Variants in JAK1 observed in about 807,000 individuals in gnomAD.
JAK1 encodes the protein tyrosine-protein kinase JAK1.
A neutral mutation model predicts 136.6 loss-of-function variants in JAK1; 16 were observed. The observed-to-expected ratio is 0.12, with a 90% CI of 0.08 to 0.18. The LOEUF is 0.18. Among genes scored for constraint, JAK1 ranks in the 10% least tolerant of loss-of-function variants. The pLI, the probability that JAK1 is intolerant of heterozygous loss-of-function variation, is 1.00. For missense variants in JAK1, 859 were observed against 1,450.1 expected, an observed-to-expected ratio of 0.59 and a Z score of 6.62; for synonymous variants, 492 against 519.5, an observed-to-expected ratio of 0.95 and a Z score of 0.72.
chr1:65,047,098 G>A (rs1453143159), intron 1 of JAK1, among the ~76,000 whole-genome samples: 1 of 151,906 alleles, frequency 6.6e-6, no homozygotes, highest in African/African-American at 2.4e-5. Flanking sequence ...TGAGGCAAGA[G>A]GATAGCTTGA....
intron 2 of JAK1, chr1:65,022,892 T>C (rs1646948714): frequency 6.6e-6 from 1 of 152,168 alleles, no homozygotes; most frequent in Non-Finnish European, 1.5e-5. Flanking sequence ...TATTTTTTGA[T>C]AGGGAGTTTT....
At chr1:65,030,009 G>A (rs538614811) in intron 2 of JAK1, among the ~76,000 whole-genome samples, 7 of 152,164 alleles carry the variant, frequency 4.6e-5, no homozygotes, top group South Asian at 2.1e-4. Context: ...ACCAAAATCC[G>A]TGTTTTGAAG....
chr1:64,857,229 G>A (rs1299869103), intron 10 of JAK1, among the ~76,000 whole-genome samples: 2 of 152,354 alleles, frequency 1.3e-5, no homozygotes, highest in East Asian at 1.9e-4. Flanking sequence ...CCATGTGGAT[G>A]AAGTGGCATT....
intron 12 of JAK1, among the ~76,000 whole-genome samples, chr1:64,850,103 C>T (rs906839120): frequency 2.0e-5 from 3 of 152,146 alleles, no homozygotes; most frequent in East Asian, 1.9e-4. Flanking sequence ...TGAGTGGCCC[C>T]GTGCTTGCTT....
intron 19 of JAK1, 38 bp from the exon 20 acceptor site, chr1:64,839,833 C>A: frequency 6.5e-7 from 1 of 1,535,198 alleles, no homozygotes; most frequent in Non-Finnish European, 8.8e-7. Flanking sequence ...TCAGGGAAGC[C>A]CCATCGTAGG....
intron 2 of JAK1, among the ~76,000 whole-genome samples, chr1:64,976,108 T>G (rs1026935563): frequency 1.3e-5 from 2 of 152,228 alleles, no homozygotes; most frequent in Non-Finnish European, 2.9e-5. Flanking sequence ...CTTTGACCCC[T>G]TTGATCCTAG....
chr1:65,040,605 C>T (rs1647122505), intron 2 of JAK1, among the ~76,000 whole-genome samples: 1 of 150,776 alleles, frequency 6.6e-6, no homozygotes, highest in Non-Finnish European at 1.5e-5. Context: ...GACCATTATT[C>T]TGTCCACAAC....
intron 1 of JAK1, among the ~76,000 whole-genome samples, chr1:64,931,157 A>G (rs949810300): frequency 6.6e-6 from 1 of 152,094 alleles, no homozygotes; most frequent in Admixed American, 6.5e-5. Flanking sequence ...TAAAAAAAAT[A>G]AACTCTTTAG....
chr1:64,976,589 A>C (rs1484137915), intron 2 of JAK1, among the ~76,000 whole-genome samples: 1 of 152,190 alleles, frequency 6.6e-6, no homozygotes, highest in Non-Finnish European at 1.5e-5. Flanking sequence ...TACTTTCAGC[A>C]ATGCCCTGCA....
intron 1 of JAK1, among the ~76,000 whole-genome samples, chr1:64,941,555 A>T (rs1002387503): frequency 3.3e-5 from 5 of 152,218 alleles, no homozygotes; most frequent in Non-Finnish European, 5.9e-5. Context: ...TGGTTAGAAT[A>T]AAAAAACTGG....
chr1:64,884,878 A>C (rs1644828664), intron 2 of JAK1, among the ~76,000 whole-genome samples: 1 of 152,182 alleles, frequency 6.6e-6, no homozygotes, highest in South Asian at 2.1e-4. Flanking sequence ...CCTTGAGATA[A>C]GAACTGAGTC....
At chr1:65,009,189 G>A (rs899456887) in intron 2 of JAK1, among the ~76,000 whole-genome samples, 2 of 152,058 alleles carry the variant, frequency 1.3e-5, no homozygotes, top group African/African-American at 4.8e-5. Context: ...AAGGAATGAT[G>A]TAAAGCTATA....
At position 64,833,621 on chromosome 1, in the gene JAK1, C is replaced by T. The variant is rs1357818266; in HGVS notation, c.*941G>A. The T allele has an allele frequency of 4.3e-6, 1 of 232,912 alleles. No individual in the cohort carries two copies. The highest frequency in any genetic ancestry group is 5.6e-5 in the Admixed American group (1 of 17,766). 14.4% of individuals were successfully genotyped at this position (232,912 alleles called of 1,614,324 possible). On this transcript the variant is annotated 3_prime_UTR_variant, in exon 25 of 25. Transcript: ENST00000342505. ...GATGATTGATGGTAAAAACAGGGAT[C>T]AACCCTTGTAGATCGGTGGTAAGTA...
chr1:65,013,265 C>G (rs1166267684), intron 2 of JAK1, among the ~76,000 whole-genome samples: 2 of 151,148 alleles, frequency 1.3e-5, no homozygotes, highest in East Asian at 1.9e-4. Flanking sequence ...GGCGTGCTGG[C>G]ATGCACCTGT....
chr1:65,067,214 C>G (rs534406605), intron 1 of JAK1, among the ~76,000 whole-genome samples: 57 of 151,390 alleles, frequency 3.8e-4, no homozygotes, highest in African/African-American at 1.3e-3. Context: ...GTGCGGTCCC[C>G]GGAGGAGGCT....
intron 1 of JAK1, among the ~76,000 whole-genome samples, chr1:65,052,406 G>A (rs1190683990): frequency 6.6e-6 from 1 of 152,106 alleles, no homozygotes; most frequent in African/African-American, 2.4e-5. Context: ...GGCCGGGCAT[G>A]GTGGCTCACA....
chr1:65,035,606 T>C (rs531126123), intron 2 of JAK1, among the ~76,000 whole-genome samples: 3 of 152,292 alleles, frequency 2.0e-5, no homozygotes, highest in East Asian at 1.9e-4. Flanking sequence ...CATAAAATAA[T>C]GTATGAGAGT....
chr1:64,847,658 T>G lies in JAK1; in HGVS notation c.1773A>C (p.Arg591Ser). The G allele has an allele frequency of 1.9e-6, 3 of 1,614,024 alleles. No homozygotes were observed. The highest frequency in any genetic ancestry group is 2.5e-6 in the Non-Finnish European group (3 of 1,179,956). Reference protein sequence around the residue: ...KDLVQGEHLGRGTRTHIYSGT... With the variant: ...KDLVQGEHLGSGTRTHIYSGT... ...CAGAATAGATGTGTGTTCTCGTGCC[T>G]CTCCCAAGGTGCTCGCCCTGAGGGA... Residue 591 changes from arginine to serine, a missense_variant, in exon 13 of 25, where the codon AGA becomes AGC. This residue lies in a region of JAK1 where 409 missense variants were observed against 753.8 expected (regional missense o/e 0.54). Transcript: ENST00000342505.
chr1:65,047,138 C>G (rs1647191318), intron 1 of JAK1, among the ~76,000 whole-genome samples: 1 of 151,932 alleles, frequency 6.6e-6, no homozygotes, highest in Admixed American at 6.5e-5. Context: ...CAGTGACCTA[C>G]GATTATGCCA....
Sources: allele counts gnomAD v4.1 joint callset (sites outside exome capture counted in the v4.1 genomes callset), GRCh38; gene constraint gnomAD v4.1.1; regional missense constraint gnomAD v4.1.1; transcripts MANE v1.5; gene names NCBI Gene and HGNC (gene_info 2026-07-23, HGNC 2026-07-21).